The following LRRC27 variants were observed in gnomAD, a reference collection of about 807,000 sequenced individuals.
The protein encoded by LRRC27 is leucine-rich repeat-containing protein 27.
In LRRC27, 57 loss-of-function variants were observed where a neutral mutation model predicts 55.0. The observed-to-expected ratio is 1.04, with a 90% confidence interval of 0.84 to 1.29. The LOEUF (loss-of-function observed/expected upper bound fraction) is 1.29, where lower values mean the gene tolerates loss of function less well. LRRC27 is among the 50% of genes most tolerant of loss of function. LRRC27 has a pLI of 0.00. For synonymous variants in LRRC27, 278 were observed against 251.9 expected, an observed-to-expected ratio of 1.10 and a Z score of -0.98; for missense variants, 721 against 651.5, an observed-to-expected ratio of 1.11 and a Z score of -1.16.
intron 9 of LRRC27, among the ~76,000 whole-genome samples, chr10:132,363,599 G>A (rs575646535): frequency 2.0e-5 from 3 of 152,182 alleles, no homozygotes; most frequent in Non-Finnish European, 4.4e-5. Flanking sequence ...CGGTGCCCCC[G>A]TGCTTTCCTG....
upstream of LRRC27, chr10:132,331,363 G>T: frequency 6.8e-7 from 1 of 1,475,000 alleles, no homozygotes. Flanking sequence ...AGGACCACGC[G>T]AGCACCTCCC....
chr10:132,331,779 C>T, upstream of LRRC27: 1 of 1,608,582 alleles, frequency 6.2e-7, no homozygotes, highest in East Asian at 2.2e-5. Flanking sequence ...GGTCGCCCCT[C>T]CAGACCCTCG....
chr10:132,362,404 G>T (rs2133046081), intron 9 of LRRC27, among the ~76,000 whole-genome samples: 2 of 152,298 alleles, frequency 1.3e-5, no homozygotes, highest in African/African-American at 4.8e-5. Context: ...GGGATGGATG[G>T]AGCAAATGGG....
intron 3 of LRRC27, among the ~76,000 whole-genome samples, chr10:132,339,281 A>G (rs1590607151): frequency 6.6e-6 from 1 of 152,220 alleles, no homozygotes; most frequent in South Asian, 2.1e-4. Context: ...GAGGCCCTTC[A>G]CTTGCCTTGA....
intron 9 of LRRC27, among the ~76,000 whole-genome samples, chr10:132,364,842 A>G: frequency 6.8e-6 from 1 of 146,970 alleles, no homozygotes; most frequent in Non-Finnish European, 1.5e-5. Flanking sequence ...CCACGCCCAC[A>G]CCCTGGGGCC....
intron 3 of LRRC27, among the ~76,000 whole-genome samples, chr10:132,341,680 G>A (rs2067422237): frequency 6.6e-6 from 1 of 152,140 alleles, no homozygotes; most frequent in Non-Finnish European, 1.5e-5. Flanking sequence ...CTCCAAGCAG[G>A]GCAGGTTATA....
chr10:132,355,685 C>G (rs2068275267), intron 7 of LRRC27, 105 bp from the exon 8 acceptor site: 1 of 822,000 alleles, frequency 1.2e-6, no homozygotes, highest in African/African-American at 1.7e-5. Flanking sequence ...CAGCCTGTGC[C>G]CCCTGGAGAC....
chr10:132,351,634 C>T lies in LRRC27; in HGVS notation c.954C>T (p.Ile318=), dbSNP rs1268881171. Reference sequence around the variant, plus strand: ...GGAAGACAGCCTCCTCCAGGAGCATCTTACCCGACCTCTTGTCACCGTACC... The same window carrying T: ...GGAAGACAGCCTCCTCCAGGAGCATTTTACCCGACCTCTTGTCACCGTACC... ...FRRKTASSRS[I]LPDLLSPYQM... is the part of the protein sequence containing the mutation. The change falls in exon 7 of 11, where the codon ATC becomes ATT. Residue 318 remains isoleucine, a synonymous_variant. Transcript: ENST00000368614. The T allele has an allele frequency of 1.2e-6, 2 of 1,614,098 alleles. No homozygotes were observed. The highest frequency in any genetic ancestry group is 1.3e-5 in the African/African-American group (1 of 75,062).
intron 2 of LRRC27, chr10:132,335,339 G>A (rs1003548853): frequency 2.0e-5 from 3 of 151,836 alleles, no homozygotes; most frequent in Non-Finnish European, 4.4e-5. Context: ...GGGCTGTAGG[G>A]CACAGGTTCC....
intron 2 of LRRC27, 83 bp downstream of exon 2, chr10:132,333,817 A>C: frequency 3.8e-6 from 4 of 1,041,784 alleles, no homozygotes; most frequent in Non-Finnish European, 5.6e-6. Flanking sequence ...CTTTATTTGT[A>C]GGCTTCTTTC....
rs1176168917 is a variant in LRRC27, at chr10:132,376,780, A to G, written c.*1538A>G. ...TTGGGTACATTGTTTTGTGTGTGTC[A>G]GGTGACATTGACTAATCCTGTTGCT... On this transcript the variant is annotated 3_prime_UTR_variant, in exon 11 of 11. Coordinates refer to ENST00000368614, the MANE Select transcript of LRRC27 (RefSeq NM_030626.3). 1 of 152,298 alleles carries G rather than the reference A, an allele frequency of 6.6e-6. No individual in the cohort carries two copies. Among genetic ancestry groups the G allele is most frequent in the African/African-American group, 2.4e-5 (1 of 41,476 alleles). 9.4% of individuals were successfully genotyped at this position (152,298 alleles called of 1,614,324 possible). A position where few individuals can be genotyped will look rare whatever the true frequency, so the allele number is the denominator to read the frequency against.
At position 132,375,390 on chromosome 10, in the gene LRRC27, G is replaced by C; in HGVS notation, c.*148G>C. ...TTCGCGCAGCCTGTTGTTTTCCTTA[G>C]ACAGGTCCACGTCCCTCTCCTGAGG... is the stretch of plus-strand genomic sequence containing the variant. On this transcript the variant is annotated 3_prime_UTR_variant, in exon 11 of 11. Coordinates refer to ENST00000368614, the MANE Select transcript of LRRC27 (RefSeq NM_030626.3). 1.5e-6 allele frequency: 1 copy of C among 665,324 alleles called. No homozygotes were observed. The highest frequency in any genetic ancestry group is 2.5e-6 in the Non-Finnish European group (1 of 400,482). 41.2% of individuals were successfully genotyped at this position (665,324 alleles called of 1,614,324 possible). A position where few individuals can be genotyped will look rare whatever the true frequency, so the allele number is the denominator to read the frequency against.
At chr10:132,356,696 CTGTA>C (rs1477729703) in intron 8 of LRRC27, among the ~76,000 whole-genome samples, 1 of 152,264 alleles carries the variant, frequency 6.6e-6, no homozygotes. Flanking sequence ...TTTCCCCAGA[CTGTA>C]TGAGGGTCTT....
At chr10:132,349,614 C>T (rs555952632) in intron 6 of LRRC27, among the ~76,000 whole-genome samples, 1 of 152,198 alleles carries the variant, frequency 6.6e-6, no homozygotes, top group African/African-American at 2.4e-5. Context: ...TTGTTAGGGA[C>T]CCTAATAATA....
chr10:132,359,834 A>G (rs1352355710), intron 8 of LRRC27, among the ~76,000 whole-genome samples: 2 of 152,246 alleles, frequency 1.3e-5, no homozygotes. Context: ...CGTCAGTGGC[A>G]TGTTTGACAC....
At chr10:132,354,284 A>G (rs2068205879) in intron 7 of LRRC27, among the ~76,000 whole-genome samples, 1 of 152,214 alleles carries the variant, frequency 6.6e-6, no homozygotes, top group South Asian at 2.1e-4. Flanking sequence ...AGTGTCCTGC[A>G]GTCTCCTAGT....
rs202136221 is a variant in LRRC27 at position 132,337,638 on chromosome 10, G to C, written c.284G>C (p.Trp95Ser). 142 of 1,614,076 alleles carry C rather than the reference G, an allele frequency of 8.8e-5. No individual in the cohort carries two copies. The highest frequency in any genetic ancestry group is 1.1e-4 in the Non-Finnish European group (129 of 1,180,032). Residue 95 changes from tryptophan (W) to serine (S), a missense_variant, in exon 3 of 11, where the codon TGG (tryptophan) becomes TCG (serine). Physicochemically the swap from Trp to Ser is radical, Grantham distance 177 (BLOSUM62 -3). Transcript: ENST00000368614. Reference protein sequence around the residue: ...DFFQLLPNLTWLDLRYNRIKA... With the variant: ...DFFQLLPNLTSLDLRYNRIKA... ...TTTCAGTTGCTTCCGAACCTGACTTGGCTGGACCTCCGGTACAATAGAATT... is the reference window on the plus strand; with the variant it reads ...TTTCAGTTGCTTCCGAACCTGACTTCGCTGGACCTCCGGTACAATAGAATT...
chr10:132,342,995 A>T (rs1313830890), intron 4 of LRRC27, among the ~76,000 whole-genome samples: 1 of 152,190 alleles, frequency 6.6e-6, no homozygotes, highest in Non-Finnish European at 1.5e-5. Context: ...CATGAATCAG[A>T]TAAAACTCAT....
intron 10 of LRRC27, among the ~76,000 whole-genome samples, chr10:132,369,421 C>G (rs1453489136): frequency 6.6e-6 from 1 of 152,164 alleles, no homozygotes; most frequent in East Asian, 1.9e-4. Flanking sequence ...TGGAACGTTG[C>G]TTAGCACTGA....
Sources: gnomAD v4.1 joint callset for allele counts (sites outside exome capture counted in the v4.1 genomes callset) on GRCh38, gnomAD v4.1.1 for gene constraint, MANE v1.5 for transcripts, NCBI Gene and HGNC (gene_info 2026-07-23, HGNC 2026-07-21) for gene names.